KCNIP4: variants seen among roughly 807,000 people sequenced by gnomAD.
KCNIP4 encodes Kv channel-interacting protein 4.
A neutral mutation model predicts 34.0 loss-of-function variants in KCNIP4; 12 were observed. The ratio of observed to expected loss-of-function variants is 0.35; its 90% CI spans 0.23 to 0.57. The LOEUF (loss-of-function observed/expected upper bound fraction) is 0.57, where lower values mean the gene tolerates loss of function less well. Among genes scored for constraint, KCNIP4 ranks in the 20% least tolerant of loss-of-function variants. The pLI is 0.83. For synonymous variants in KCNIP4, 124 were observed against 102.2 expected (o/e 1.21, Z -1.29); for missense variants, 238 against 311.7 (o/e 0.76, Z 1.78).
chr4:21,076,421 T>C (rs1009155297), intron 1 of KCNIP4, among the ~76,000 whole-genome samples: 1 of 152,164 alleles, frequency 6.6e-6, no homozygotes, highest in African/African-American at 2.4e-5. Context: ...TATATTGTCT[T>C]GTTTTGTTTT....
intron 1 of KCNIP4, among the ~76,000 whole-genome samples, chr4:21,685,822 A>G (rs1182711486): frequency 2.6e-5 from 4 of 152,174 alleles, no homozygotes; most frequent in Non-Finnish European, 4.4e-5. Context: ...AAGTTTCTCA[A>G]CCTTCTAAGT....
chr4:21,618,582 C>T (rs1744762266), intron 1 of KCNIP4, among the ~76,000 whole-genome samples: 1 of 149,872 alleles, frequency 6.7e-6, no homozygotes, highest in Non-Finnish European at 1.5e-5. Flanking sequence ...CTCTCTCTCA[C>T]TCTCTGTTTG....
chr4:21,082,664 G>A (rs747328689), intron 1 of KCNIP4, among the ~76,000 whole-genome samples: 6 of 151,836 alleles, frequency 4.0e-5, no homozygotes, highest in Admixed American at 2.6e-4. Flanking sequence ...TTACCTAAGG[G>A]CAATATCAGA....
intron 1 of KCNIP4, among the ~76,000 whole-genome samples, chr4:21,297,975 C>G (rs1290541509): frequency 6.6e-6 from 1 of 152,056 alleles, no homozygotes; most frequent in East Asian, 1.9e-4. Flanking sequence ...ATTGGCGCTA[C>G]AATAAAGATA....
At chr4:21,732,378 T>C (rs2109113618) in intron 1 of KCNIP4, among the ~76,000 whole-genome samples, 1 of 152,302 alleles carries the variant, frequency 6.6e-6, no homozygotes, top group Non-Finnish European at 1.5e-5. Flanking sequence ...CCATCTCTCC[T>C]TAATTACTAA....
chr4:20,812,091 G>T (rs1206938460), intron 3 of KCNIP4, among the ~76,000 whole-genome samples: 1 of 152,166 alleles, frequency 6.6e-6, no homozygotes, highest in Admixed American at 6.5e-5. Flanking sequence ...ACAGATTATT[G>T]ATTACTTTTG....
At chr4:21,485,367 T>A (rs1314769569) in intron 1 of KCNIP4, among the ~76,000 whole-genome samples, 1 of 152,208 alleles carries the variant, frequency 6.6e-6, no homozygotes, top group Non-Finnish European at 1.5e-5. Context: ...AACCTGGCTC[T>A]TGTCTATGTC....
chr4:21,087,145 A>AAT (rs1553935799), intron 1 of KCNIP4, among the ~76,000 whole-genome samples: 2 of 70,260 alleles, frequency 2.8e-5, no homozygotes, highest in African/African-American at 4.9e-5. Context: ...ACTGCTGGGT[A>AAT]ATGTGTGTGT....
At chr4:21,228,579 A>C (rs1220315488) in intron 1 of KCNIP4, among the ~76,000 whole-genome samples, 1 of 152,200 alleles carries the variant, frequency 6.6e-6, no homozygotes, top group Non-Finnish European at 1.5e-5. Context: ...ACATGAGTAC[A>C]CAGTTCATCC....
chr4:21,254,595 C>A (rs1322698856), intron 1 of KCNIP4, among the ~76,000 whole-genome samples: 1 of 152,150 alleles, frequency 6.6e-6, no homozygotes, highest in Non-Finnish European at 1.5e-5. Context: ...TTGGACTTTG[C>A]CTTACTCTTC....
chr4:21,661,454 C>G (rs1748445822), intron 1 of KCNIP4, among the ~76,000 whole-genome samples: 1 of 152,022 alleles, frequency 6.6e-6, no homozygotes, highest in African/African-American at 2.4e-5. Context: ...AAAGTGCTCA[C>G]TCTGGCTCCT....
chr4:21,529,373 T>G (rs936996924), intron 1 of KCNIP4, among the ~76,000 whole-genome samples: 2 of 152,114 alleles, frequency 1.3e-5, no homozygotes, highest in Non-Finnish European at 2.9e-5. Flanking sequence ...ACCAAGGATA[T>G]GTACAAGTTC....
intron 1 of KCNIP4, among the ~76,000 whole-genome samples, chr4:21,877,962 T>C (rs1332151408): frequency 6.6e-6 from 1 of 152,186 alleles, no homozygotes; most frequent in Non-Finnish European, 1.5e-5. Flanking sequence ...ACAGAGAGAT[T>C]TCTGAGAACA....
At chr4:21,904,725 T>C (rs1513577) in intron 1 of KCNIP4, among the ~76,000 whole-genome samples, 144,582 of 152,242 alleles carry the variant, frequency 0.95, 69,122 homozygotes, top group East Asian at 1. Context: ...ACATTTTGGA[T>C]GAAATCATTT....
chr4:20,965,622 G>GA (rs1734264537), intron 1 of KCNIP4, among the ~76,000 whole-genome samples: 1 of 152,052 alleles, frequency 6.6e-6, no homozygotes, highest in South Asian at 2.1e-4. Context: ...TGTTTTCATG[G>GA]AAAAATGTAT....
In KCNIP4 at chr4:20,914,018, G is replaced by T. The variant is rs1172242123; in HGVS notation, c.62-31309C>A. On this transcript the variant is annotated intron_variant, in intron 1 of 8. Transcript: ENST00000382152. ...TAAAAATACAAAAAATTAGCCAGGT[G>T]TGGTGGTGGGTGCCTGTAATCCCAG... Among the ~76,000 whole-genome samples, 2 of 152,064 alleles carry T rather than the reference G, an allele frequency of 1.3e-5. 1 individual carries two copies. Among genetic ancestry groups the T allele is most frequent in the Non-Finnish European group, 2.9e-5 (2 of 68,008 alleles).
chr4:21,505,928 C>A (rs372832134), intron 1 of KCNIP4, among the ~76,000 whole-genome samples: 4 of 152,082 alleles, frequency 2.6e-5, no homozygotes, highest in Admixed American at 1.3e-4. Context: ...AATGGATAAA[C>A]CCCATCTCTA....
intron 1 of KCNIP4, chr4:21,304,073 G>GAGAGAGAGAGAGGGAC (rs1712113954): frequency 4.2e-6 from 1 of 235,454 alleles, no homozygotes; most frequent in African/African-American, 3.4e-5. Flanking sequence ...GAGAGACAGA[G>GAGAGAGAGAGAGGGAC]AGAGAGAGAG....
chr4:21,097,729 C>G (rs556753145), intron 1 of KCNIP4, among the ~76,000 whole-genome samples: 13 of 152,224 alleles, frequency 8.5e-5, no homozygotes, highest in African/African-American at 2.9e-4. Context: ...TCTCCCCCAG[C>G]TTCCATATTC....
Sources: allele counts gnomAD v4.1 joint callset (sites outside exome capture counted in the v4.1 genomes callset), GRCh38; gene constraint gnomAD v4.1.1; transcripts MANE v1.5; gene names NCBI Gene and HGNC (gene_info 2026-07-23, HGNC 2026-07-21).